Variants in KCNMB3 observed in about 807,000 individuals in gnomAD.
KCNMB3 encodes calcium-activated potassium channel subunit beta-3.
A neutral mutation model predicts 11.9 loss-of-function variants in KCNMB3; 18 were observed. That is an observed-to-expected ratio of 1.51 (90% CI 1.04 to 2.23). The LOEUF (loss-of-function observed/expected upper bound fraction) is 2.23. KCNMB3 is among the 30% of genes most tolerant of loss of function. The pLI is 0.00. For missense variants in KCNMB3, 247 were observed against 329.4 expected (o/e 0.75, Z 1.94); for synonymous variants, 78 against 119.2 (o/e 0.65, Z 2.25).
At chr3:179,261,345 C>A in intron 1 of KCNMB3, 1 of 1,170,874 alleles carries the variant, frequency 8.5e-7, no homozygotes. Context: ...CCCCGCGGGC[C>A]GGGCCAGGGG....
Position 179,251,084 on chromosome 3 carries a change from G to C in KCNMB3, c.-94C>G, listed in dbSNP as rs762094359. The C allele has an allele frequency of 3.1e-6, 5 of 1,614,066 alleles. No individual in the cohort carries two copies. The highest frequency in any genetic ancestry group is 4.2e-6 in the Non-Finnish European group (5 of 1,180,036). ...TGCAACAAAATGAAATCCCAGTTCA[G>C]AGCTTGGTGAAAAGTCCATCTAAAT... On this transcript the variant is annotated 5_prime_UTR_variant, in exon 1 of 3. Transcript: ENST00000392685.
chr3:179,259,365 TCAC>T, intron 1 of KCNMB3: 1 of 1,569,778 alleles, frequency 6.4e-7, no homozygotes, highest in Non-Finnish European at 8.6e-7. Flanking sequence ...ATCTAATTCT[TCAC>T]CACCAGCCCT....
intron 1 of KCNMB3, chr3:179,261,179 T>C: frequency 7.5e-7 from 1 of 1,341,848 alleles, no homozygotes; most frequent in Non-Finnish European, 1.0e-6. Flanking sequence ...CGCGCGGGCC[T>C]CCCGTTTTGC....
chr3:179,246,467 ACT>A (rs1371814606), intron 1 of KCNMB3, among the ~76,000 whole-genome samples: 1 of 152,142 alleles, frequency 6.6e-6, no homozygotes, highest in Non-Finnish European at 1.5e-5. Flanking sequence ...TTCATAATGC[ACT>A]CTCACTAATC....
At chr3:179,262,826 G>T (rs1019844026) in intron 1 of KCNMB3, among the ~76,000 whole-genome samples, 1 of 152,228 alleles carries the variant, frequency 6.6e-6, no homozygotes, top group Non-Finnish European at 1.5e-5. Flanking sequence ...TAGATACAGT[G>T]TCGATTGGTG....
rs1284925788 is a variant in KCNMB3 at position 179,245,518 on chromosome 3, G to A, written c.249-825C>T. 3.3e-5 allele frequency among the ~76,000 whole-genome samples: 5 copies of A among 151,230 alleles called. No homozygotes were observed. The East Asian group carries it at 9.7e-4, about 29-fold the overall frequency. On this transcript the variant is annotated intron_variant, in intron 1 of 2. Transcript: ENST00000392685. ...GCTGTACTGAATTAATTTTTTTGGG[G>A]GGGGGGATGGAGTTTCGCTCTTGTT...
At chr3:179,266,415 G>T (rs1471467285) in intron 1 of KCNMB3, among the ~76,000 whole-genome samples, 2 of 152,198 alleles carry the variant, frequency 1.3e-5, no homozygotes, top group Admixed American at 6.5e-5. Context: ...AGTTTAAAAG[G>T]TCTCCAGTCT....
intron 1 of KCNMB3, among the ~76,000 whole-genome samples, chr3:179,246,922 T>C (rs1725661939): frequency 6.6e-6 from 1 of 152,216 alleles, no homozygotes; most frequent in Non-Finnish European, 1.5e-5. Flanking sequence ...AGCATGTTCC[T>C]TCAATAGCAT....
In KCNMB3 at chr3:179,261,605, T is replaced by A. The variant is rs181833637; in HGVS notation, c.62+5044A>T. On this transcript the variant is annotated intron_variant, in intron 1 of 3. Coordinates refer to the KCNMB3 transcript ENST00000349697. ...CACACTTGCAATTTTTTTACATTAC[T>A]ATGGTGTGAAAGCAATATGAATTCA... 1.8e-4 allele frequency among the ~76,000 whole-genome samples: 26 copies of A among 145,202 alleles called. No homozygotes were observed. The East Asian group carries it at 4.9e-3, about 27-fold the overall frequency.
At chr3:179,263,963 G>A (rs1478547637) in intron 1 of KCNMB3, among the ~76,000 whole-genome samples, 1 of 151,528 alleles carries the variant, frequency 6.6e-6, no homozygotes, top group African/African-American at 2.4e-5. Context: ...CGGCTACCAC[G>A]CCCAGCTAAT....
At chr3:179,266,432 A>T (rs950917393) in intron 1 of KCNMB3, among the ~76,000 whole-genome samples, 4 of 152,230 alleles carry the variant, frequency 2.6e-5, no homozygotes, top group African/African-American at 9.6e-5. Context: ...GTCTCCAAGA[A>T]CTGGCAACCT....
Position 179,243,049 on chromosome 3 carries a change from C to T in KCNMB3, c.683G>A (p.Arg228Lys), listed in dbSNP as rs1304635179. Residue 228 changes from arginine (R) to lysine (K), a missense_variant, in exon 3 of 3, where the codon AGA (arginine) becomes AAA (lysine). Transcript: ENST00000392685. ...CAGTAAGGACAGGTGTTGTGTTAAT[C>T]TCACCATGCCAACAATCAGGGCACC... is the stretch of plus-strand genomic sequence containing the variant. ...LGGALIVGMV[R>K]LTQHLSLLCE... 2 of 1,591,590 alleles carry T rather than the reference C, an allele frequency of 1.3e-6. No homozygotes were observed. Among genetic ancestry groups the T allele is most frequent in the Non-Finnish European group, 1.7e-6 (2 of 1,168,868 alleles).
upstream of KCNMB3, among the ~76,000 whole-genome samples, chr3:179,253,680 C>T (rs1473988562): frequency 6.6e-6 from 1 of 152,032 alleles, no homozygotes; most frequent in Non-Finnish European, 1.5e-5. Flanking sequence ...GTGGCATGCG[C>T]CTGTAATCAC....
upstream of KCNMB3, chr3:179,267,004 C>A: frequency 1.0e-6 from 1 of 1,002,718 alleles, no homozygotes; most frequent in Non-Finnish European, 1.3e-6. Flanking sequence ...TTGCACTGTG[C>A]TTGCCGCCAC....
chr3:179,245,778 C>T (rs1424797960), intron 1 of KCNMB3, among the ~76,000 whole-genome samples: 2 of 152,148 alleles, frequency 1.3e-5, no homozygotes, highest in African/African-American at 4.8e-5. Context: ...GGATTACAGG[C>T]GTGAGCCACG....
At chr3:179,259,369 C>T in intron 1 of KCNMB3, 1 of 1,571,062 alleles carries the variant, frequency 6.4e-7, no homozygotes, top group Non-Finnish European at 8.6e-7. Context: ...AATTCTTCAC[C>T]ACCAGCCCTC....
intron 1 of KCNMB3, among the ~76,000 whole-genome samples, chr3:179,258,608 TA>T (rs1726100114): frequency 1.3e-5 from 2 of 152,226 alleles, no homozygotes; most frequent in Admixed American, 1.3e-4. Context: ...AAATATCAAT[TA>T]TATTCATAAT....
upstream of KCNMB3, chr3:179,251,470 A>G (rs1426001558): frequency 1.4e-6 from 2 of 1,400,020 alleles, no homozygotes; most frequent in Non-Finnish European, 1.8e-6. Context: ...TGAAGTTGTC[A>G]TGGCTTCTTT....
chr3:179,258,928 A>AT (rs1157800512), intron 1 of KCNMB3: 2 of 1,613,250 alleles, frequency 1.2e-6, no homozygotes, highest in Admixed American at 3.3e-5. Flanking sequence ...ATCTCTATGA[A>AT]TTTAGAACAT....
Sources: allele counts gnomAD v4.1 joint callset (sites outside exome capture counted in the v4.1 genomes callset), GRCh38; gene constraint gnomAD v4.1.1; transcripts MANE v1.5; gene names NCBI Gene and HGNC (gene_info 2026-07-23, HGNC 2026-07-21).